BANK1: variants seen among roughly 807,000 people sequenced by gnomAD.
The protein encoded by BANK1 is B-cell scaffold protein with ankyrin repeats.
BANK1 carries 95 observed loss-of-function variants against 94.5 expected under a neutral mutation model. The ratio of observed to expected loss-of-function variants is 1.00; its 90% CI spans 0.85 to 1.19. The LOEUF is 1.19. Ranked by LOEUF, BANK1 falls within the 50% of genes most tolerant of loss-of-function variation. The pLI is 0.00. For missense variants in BANK1, 987 were observed against 932.2 expected, an observed-to-expected ratio of 1.06 and a Z score of -0.77; for synonymous variants, 334 against 308.4, an observed-to-expected ratio of 1.08 and a Z score of -0.87.
intron 1 of BANK1, 151 bp downstream of exon 1, chr4:101,791,101 C>A (rs372168087): frequency 2.9e-6 from 2 of 681,886 alleles, no homozygotes; most frequent in Non-Finnish European, 2.3e-6. Flanking sequence ...TGCCGCCAGG[C>A]AGCCCAGAGG....
At chr4:101,934,975 T>A (rs13120877) in intron 7 of BANK1, among the ~76,000 whole-genome samples, 11,156 of 151,484 alleles carry the variant, frequency 0.074, 613 homozygotes, top group East Asian at 0.19. Flanking sequence ...CTATTTAAAA[T>A]TGCCAATACC....
chr4:101,911,403 T>C (rs528691781), intron 6 of BANK1, among the ~76,000 whole-genome samples: 1 of 152,346 alleles, frequency 6.6e-6, no homozygotes, highest in South Asian at 2.1e-4. Flanking sequence ...ACTCTTTTCA[T>C]TATTTTTGCA....
intron 5 of BANK1, among the ~76,000 whole-genome samples, chr4:101,875,037 T>C (rs1175367225): frequency 6.6e-6 from 1 of 152,148 alleles, no homozygotes; most frequent in African/African-American, 2.4e-5. Flanking sequence ...CCTGCAAGGA[T>C]TTATCAACTG....
chr4:101,793,300 A>G (rs867799898), intron 1 of BANK1, among the ~76,000 whole-genome samples: 5 of 152,294 alleles, frequency 3.3e-5, no homozygotes, highest in African/African-American at 1.2e-4. Context: ...AACATAGCCA[A>G]CGTCCTACAC....
chr4:101,822,128 G>C (rs1193979668), intron 1 of BANK1, among the ~76,000 whole-genome samples: 1 of 152,150 alleles, frequency 6.6e-6, no homozygotes, highest in African/African-American at 2.4e-5. Flanking sequence ...GCCTAGGTGG[G>C]TGGATCACTT....
intron 10 of BANK1, among the ~76,000 whole-genome samples, chr4:102,032,646 G>C (rs1432458888): frequency 6.6e-6 from 1 of 152,060 alleles, no homozygotes; most frequent in African/African-American, 2.4e-5. Context: ...ACTTTGGGAG[G>C]CCGAGGCAGG....
chr4:101,804,283 AT>A (rs1276000205), intron 1 of BANK1, among the ~76,000 whole-genome samples: 1 of 152,164 alleles, frequency 6.6e-6, no homozygotes, highest in Admixed American at 6.5e-5. Context: ...TGCTGTAATA[AT>A]TTTGTGGCCA....
At chr4:102,073,947 T>A in intron 16 of BANK1, 58 bp from the exon 17 acceptor site, 1 of 417,480 alleles carries the variant, frequency 2.4e-6, no homozygotes, top group Non-Finnish European at 4.2e-6. Context: ...TGCCAATTAA[T>A]CAATTTAAAT....
rs151222186 is a variant in BANK1, at chr4:102,038,045, C to T, written c.1901-5794C>T. The stretch of plus-strand genomic sequence containing the variant: ...ATCCTTTTTGAGAGCTTTTTGGAAT[C>T]CTTTTTGAAATCCTTTTGGAATTTT... On this transcript the variant is annotated intron_variant, in intron 10 of 16. Coordinates refer to ENST00000322953, the MANE Select transcript of BANK1 (RefSeq NM_017935.5). 7.0e-3 allele frequency among the ~76,000 whole-genome samples: 1,070 copies of T among 152,248 alleles called. 8 individuals carry two copies. The highest frequency in any genetic ancestry group is 0.054 in the Middle Eastern group (16 of 294).
rs147501687 is a variant in BANK1, at chr4:101,894,556, G to A, written c.904-749G>A. On this transcript the variant is annotated intron_variant, in intron 5 of 16. Coordinates refer to ENST00000322953, the MANE Select transcript of BANK1 (RefSeq NM_017935.5). Reference sequence around the variant, plus strand: ...GAAATCCTTTCAAAACTCTTAATTAGAAACTTTTGTTCCACAGTTCCCTCT... The same window carrying A: ...GAAATCCTTTCAAAACTCTTAATTAAAAACTTTTGTTCCACAGTTCCCTCT... Among the ~76,000 whole-genome samples the A allele has an allele frequency of 7.2e-5, 11 of 151,836 alleles. No homozygotes were observed. In the East Asian group the frequency reaches 2.1e-3, roughly 29 times the overall value.
intron 2 of BANK1, among the ~76,000 whole-genome samples, chr4:101,850,715 C>T (rs921949362): frequency 7.2e-5 from 11 of 152,186 alleles, no homozygotes; most frequent in African/African-American, 2.7e-4. Context: ...TTCTGTGTCA[C>T]ATTTTGGTGA....
chr4:102,021,606 T>A lies in BANK1; in HGVS notation c.1285+14T>A. 8.8e-7 allele frequency: 1 copy of A among 1,132,120 alleles called. No homozygotes were observed. The highest frequency in any genetic ancestry group is 1.2e-6 in the Non-Finnish European group (1 of 811,548). The allele number at this position is 1,132,120 out of a possible 1,614,324, so 70.1% of individuals were successfully genotyped here. The stretch of plus-strand genomic sequence containing the variant: ...CATATATTCCTTGTAAGTTTTTCCA[T>A]GTTATATATATATATGACATATTCA... On this transcript the variant is annotated intron_variant, in intron 8 of 16. Coordinates refer to ENST00000322953, the MANE Select transcript of BANK1 (RefSeq NM_017935.5).
intron 11 of BANK1, among the ~76,000 whole-genome samples, chr4:102,058,747 G>A (rs17031983): frequency 0.25 from 37,676 of 149,632 alleles, 5,530 homozygotes; most frequent in African/African-American, 0.38. Context: ...AATAGATTCT[G>A]AAGAGAAAAG....
At chr4:101,930,273 A>C (rs1578404476) in intron 7 of BANK1, among the ~76,000 whole-genome samples, 1 of 150,896 alleles carries the variant, frequency 6.6e-6, no homozygotes, top group South Asian at 2.1e-4. Context: ...GTGTGTGTTT[A>C]TGTGTGTATA....
At chr4:101,944,012 G>A (rs967444165) in intron 7 of BANK1, among the ~76,000 whole-genome samples, 2 of 145,596 alleles carry the variant, frequency 1.4e-5, no homozygotes, top group African/African-American at 5.0e-5. Context: ...CAGTAAATGT[G>A]TGTGTGTGTT....
Position 101,917,994 on chromosome 4 carries a change from T to C in BANK1, c.1011T>C (p.Tyr337=), listed in dbSNP as rs1363776672. The change falls in exon 7 of 17, where the codon TAT becomes TAC. Residue 337 remains tyrosine (Y), a splice_region_variant and synonymous_variant. Transcript: ENST00000322953. The part of the protein sequence containing the change: ...LQTEICSQNK[Y]THFKELPTLL... Reference sequence around the variant, plus strand: ...TCCTACTACTTCTTATGCTTACAGATACTCATTTCAAAGAACTTCCAACTC... The same window carrying C: ...TCCTACTACTTCTTATGCTTACAGACACTCATTTCAAAGAACTTCCAACTC... The C allele has an allele frequency of 6.2e-7, 1 of 1,601,000 alleles. No homozygotes were observed. The highest frequency in any genetic ancestry group is 8.5e-7 in the Non-Finnish European group (1 of 1,170,438).
At chr4:101,902,957 C>T (rs899111552) in intron 6 of BANK1, among the ~76,000 whole-genome samples, 1 of 152,108 alleles carries the variant, frequency 6.6e-6, no homozygotes, top group African/African-American at 2.4e-5. Flanking sequence ...TGTATGAAAT[C>T]GTAACTGAGT....
chr4:102,049,129 T>G (rs1252508917), intron 11 of BANK1, among the ~76,000 whole-genome samples: 3 of 152,160 alleles, frequency 2.0e-5, no homozygotes, highest in South Asian at 4.1e-4. Context: ...TACCCCCAAT[T>G]CCAATCATTA....
rs1183685977 is a variant in BANK1, at chr4:102,005,428, A to G, written c.1207-16086A>G. Among the ~76,000 whole-genome samples the G allele has an allele frequency of 2.0e-5, 3 of 152,226 alleles. No individual in the cohort carries two copies. In the East Asian group the frequency reaches 5.8e-4, roughly 29 times the overall value. ...TAAGAAGTGGTTATGGATATGAATC[A>G]TTAATTCCAAAGGTTCTGTGAACTA... is the stretch of plus-strand genomic sequence containing the variant. On this transcript the variant is annotated intron_variant, in intron 7 of 16. Transcript: ENST00000322953.
Sources: allele counts gnomAD v4.1 joint callset (sites outside exome capture counted in the v4.1 genomes callset), GRCh38; gene constraint gnomAD v4.1.1; transcripts MANE v1.5; gene names NCBI Gene and HGNC (gene_info 2026-07-23, HGNC 2026-07-21).